Variants in TMEM267 observed in about 807,000 individuals in gnomAD.
The protein encoded by TMEM267 is transmembrane protein 267.
TMEM267 carries 20 observed loss-of-function variants against 19.3 expected under a neutral mutation model. The ratio of observed to expected loss-of-function variants is 1.04; its 90% CI spans 0.73 to 1.51. The LOEUF (loss-of-function observed/expected upper bound fraction) is 1.51. Ranked by LOEUF, TMEM267 falls within the 40% of genes most tolerant of loss-of-function variation. The probability of loss-of-function intolerance (pLI) is 0.00; values close to 1 mark genes in which losing one functional copy is unlikely to be tolerated. For synonymous variants in TMEM267, 88 were observed against 90.3 expected, an observed-to-expected ratio of 0.97 and a Z score of 0.15; for missense variants, 242 against 261.9, an observed-to-expected ratio of 0.92 and a Z score of 0.52.
chr5:43,472,472 C>G (rs1744138630), intron 1 of TMEM267, among the ~76,000 whole-genome samples: 1 of 149,816 alleles, frequency 6.7e-6, no homozygotes, highest in Non-Finnish European at 1.5e-5. Context: ...ATCAGTATAT[C>G]AAAGAGATAT....
intron 1 of TMEM267, among the ~76,000 whole-genome samples, chr5:43,471,873 T>C (rs947136536): frequency 6.6e-6 from 1 of 152,172 alleles, no homozygotes; most frequent in Non-Finnish European, 1.5e-5. Context: ...CTCCACGACA[T>C]TGATGTGGGC....
intron 2 of TMEM267, among the ~76,000 whole-genome samples, chr5:43,452,864 G>A (rs1400436631): frequency 6.6e-6 from 1 of 152,172 alleles, no homozygotes; most frequent in Non-Finnish European, 1.5e-5. Context: ...ATATCTACTA[G>A]GTAAGCCAGG....
In TMEM267 at chr5:43,453,862, A is replaced by T; in HGVS notation, c.108T>A (p.Leu36=). The change falls in exon 2 of 3, where the codon CTT becomes CTA. Residue 36 remains leucine, a synonymous_variant. Coordinates refer to ENST00000397080, the MANE Select transcript of TMEM267 (RefSeq NM_022483.5). The stretch of plus-strand genomic sequence containing the variant: ...TTTGCTGAATTGTGGAAAACTGAAG[A>T]AGTCTGTCAGCTACGAGGCAAAATG... ...LGAFCLVADR[L]LQFSTIQQND... The T allele has an allele frequency of 1.2e-6, 2 of 1,614,098 alleles. No individual in the cohort carries two copies. Among genetic ancestry groups the T allele is most frequent in the South Asian group, 2.2e-5 (2 of 91,084 alleles).
At chr5:43,465,683 C>T (rs542738216) in intron 1 of TMEM267, among the ~76,000 whole-genome samples, 5 of 151,932 alleles carry the variant, frequency 3.3e-5, no homozygotes, top group South Asian at 4.2e-4. Context: ...TGGAAACCAT[C>T]GTCAGCAAAC....
chr5:43,477,479 A>T (rs1744497967), intron 1 of TMEM267, among the ~76,000 whole-genome samples: 2 of 151,808 alleles, frequency 1.3e-5, no homozygotes. Context: ...CTGTAATCCC[A>T]GCTACTTGGG....
rs1284394273 is a variant in TMEM267 at position 43,446,369 on chromosome 5, T to C, written c.501A>G (p.Ile167Met). 1.9e-6 allele frequency: 3 copies of C among 1,614,148 alleles called. No homozygotes were observed. Among genetic ancestry groups the C allele is most frequent in the East Asian group, 2.2e-5 (1 of 44,876 alleles). ...AAGGAGAAGTTTTTCCAAATGGGCA[T>C]ATCCACAAACCATGACGAATCCCAT... Reference protein sequence around the residue: ...IRDGIRHGLWICPFGKTSPLP... With the variant: ...IRDGIRHGLWMCPFGKTSPLP... The change falls in exon 3 of 3, where the codon ATA becomes ATG. Residue 167 changes from isoleucine (I) to methionine (M), a missense_variant. Ile to Met is a conservative substitution (Grantham distance 10). Coordinates refer to ENST00000397080, the MANE Select transcript of TMEM267 (RefSeq NM_022483.5).
rs569854489 is a variant in TMEM267 at position 43,458,108 on chromosome 5, C to A, written c.-74-4065G>T. On this transcript the variant is annotated intron_variant, in intron 1 of 2. Coordinates refer to ENST00000397080, the MANE Select transcript of TMEM267 (RefSeq NM_022483.5). ...ATTTAATTTAAAAAATTCTTTCTTT[C>A]CTTAATTTTTGAGACAGGGTCTTGC... Among the ~76,000 whole-genome samples, 33 of 151,874 alleles carry A rather than the reference C, an allele frequency of 2.2e-4. No homozygotes were observed. In the East Asian group the frequency reaches 6.2e-3, roughly 29 times the overall value.
At chr5:43,451,523 G>T (rs370247476) in intron 2 of TMEM267, among the ~76,000 whole-genome samples, 4 of 152,054 alleles carry the variant, frequency 2.6e-5, no homozygotes, top group African/African-American at 9.7e-5. Flanking sequence ...AATAATCAGA[G>T]AAATGCAAAT....
Position 43,450,884 on chromosome 5 carries a change from G to C in TMEM267, c.312+2774C>G, listed in dbSNP as rs528743974. 6.6e-5 allele frequency among the ~76,000 whole-genome samples: 10 copies of C among 151,824 alleles called. No individual in the cohort carries two copies. In the South Asian group the frequency reaches 2.1e-3, roughly 32 times the overall value. ...AGTTTCGCTCTTCTTGCCCAGGCTG[G>C]AGTGCAATAGTGTGATCTTGGCTCA... On this transcript the variant is annotated intron_variant, in intron 2 of 2. Transcript: ENST00000397080.
At chr5:43,453,628 G>A (rs1047476545) in intron 2 of TMEM267, 30 bp downstream of exon 2, 10 of 1,585,334 alleles carry the variant, frequency 6.3e-6, no homozygotes, top group African/African-American at 5.4e-5. Flanking sequence ...GGAAATTAAA[G>A]ATCAGAAAAA....
Position 43,444,726 on chromosome 5 carries a change from C to T in TMEM267, c.*1496G>A, listed in dbSNP as rs1244692394. 6.6e-6 allele frequency: 1 copy of T among 151,582 alleles called. No homozygotes were observed. 9.4% of individuals were successfully genotyped at this position (151,582 alleles called of 1,614,324 possible). A position where few individuals can be genotyped will look rare whatever the true frequency, so the allele number is the denominator to read the frequency against. ...TTTCCATGGATTTCTGAAGCCAGTG[C>T]TTAAAAAAAAAACTCTAATCAAATT... On this transcript the variant is annotated 3_prime_UTR_variant, in exon 3 of 3. Transcript: ENST00000397080.
intron 1 of TMEM267, among the ~76,000 whole-genome samples, 197 bp downstream of exon 1, chr5:43,483,625 C>T (rs1056694109): frequency 3.9e-5 from 6 of 152,184 alleles, no homozygotes; most frequent in African/African-American, 1.2e-4. Flanking sequence ...GGTGCCGGCT[C>T]GTGGGTCACA....
chr5:43,480,797 CTTTT>C (rs869260304), intron 1 of TMEM267, among the ~76,000 whole-genome samples: 4 of 79,582 alleles, frequency 5.0e-5, no homozygotes, highest in Non-Finnish European at 6.8e-5. Context: ...AATAATCTTA[CTTTT>C]TTTTTTTTTT....
At chr5:43,448,283 A>G (rs1408178986) in intron 2 of TMEM267, among the ~76,000 whole-genome samples, 3 of 152,182 alleles carry the variant, frequency 2.0e-5, no homozygotes, top group Non-Finnish European at 2.9e-5. Flanking sequence ...TACCATTTCT[A>G]TATTATTATT....
intron 1 of TMEM267, among the ~76,000 whole-genome samples, chr5:43,460,909 C>G (rs1284056331): frequency 6.6e-6 from 1 of 152,212 alleles, no homozygotes; most frequent in East Asian, 1.9e-4. Context: ...AGGACTGCAA[C>G]CCTTAGGTGA....
rs1742160800 is a variant in TMEM267 at position 43,444,910 on chromosome 5, A to T, written c.*1312T>A. The T allele has an allele frequency of 6.6e-6, 1 of 152,178 alleles. No homozygotes were observed. The highest frequency in any genetic ancestry group is 2.4e-5 in the African/African-American group (1 of 41,456). 9.4% of individuals were successfully genotyped at this position (152,178 alleles called of 1,614,324 possible). The stretch of plus-strand genomic sequence containing the variant: ...AAAAAAACTCCCCTAAAGAGCTTGA[A>T]CCTTCATAATAATTTACAGAATTCT... On this transcript the variant is annotated 3_prime_UTR_variant, in exon 3 of 3. Coordinates refer to ENST00000397080, the MANE Select transcript of TMEM267 (RefSeq NM_022483.5).
Position 43,451,506 on chromosome 5 carries a change from T to C in TMEM267, c.312+2152A>G, listed in dbSNP as rs577950092. Among the ~76,000 whole-genome samples the C allele has an allele frequency of 7.9e-5, 12 of 152,178 alleles. No homozygotes were observed. The East Asian group carries it at 2.3e-3, about 29-fold the overall frequency. ...CCAATAAACATGAAAAAATGCTCCATATCACTAATAATCAGAGAAATGCAA... is the reference window on the plus strand; with the variant it reads ...CCAATAAACATGAAAAAATGCTCCACATCACTAATAATCAGAGAAATGCAA... On this transcript the variant is annotated intron_variant, in intron 2 of 2. Coordinates refer to ENST00000397080, the MANE Select transcript of TMEM267 (RefSeq NM_022483.5).
At chr5:43,481,866 G>A (rs1744796371) in intron 1 of TMEM267, among the ~76,000 whole-genome samples, 1 of 152,112 alleles carries the variant, frequency 6.6e-6, no homozygotes, top group African/African-American at 2.4e-5. Context: ...TGTGTGAGAT[G>A]GTTCCTCGCT....
intron 1 of TMEM267, among the ~76,000 whole-genome samples, chr5:43,455,380 G>A (rs13168053): frequency 0.014 from 2,101 of 151,816 alleles, 56 homozygotes; most frequent in East Asian, 0.13. Flanking sequence ...CTGTAATCGT[G>A]CTACTGCATG....
Sources: allele counts gnomAD v4.1 joint callset (sites outside exome capture counted in the v4.1 genomes callset), GRCh38; gene constraint gnomAD v4.1.1; transcripts MANE v1.5; gene names NCBI Gene and HGNC (gene_info 2026-07-23, HGNC 2026-07-21).